Variants in SCD5 observed in about 807,000 individuals in gnomAD.
SCD5 encodes stearoyl-CoA desaturase 5, also known as acyl-CoA-desaturase 4.
Under a neutral mutation model 30.4 loss-of-function variants are expected in SCD5, and 20 were observed. That is an observed-to-expected ratio of 0.66 (90% confidence interval 0.46 to 0.96). SCD5 has a LOEUF of 0.96. SCD5 is among the 40% of genes least tolerant of loss of function. The pLI is 0.00. For missense variants in SCD5, 381 were observed against 443.3 expected (o/e 0.86, Z 1.26); for synonymous variants, 173 against 176.4 (o/e 0.98, Z 0.16).
At chr4:82,670,755 T>TGGCAAATATCAATTCCATGTCAATTGAC (rs1560529678) in intron 3 of SCD5, among the ~76,000 whole-genome samples, 11 of 143,616 alleles carry the variant, frequency 7.7e-5, no homozygotes, top group East Asian at 2.2e-4. Context: ...TGTCAATTGA[T>TGGCAAATATCAATTCCATGTCAATTGAC]ATGGCAAATA....
At chr4:82,738,674 G>A (rs1720805447) in intron 1 of SCD5, among the ~76,000 whole-genome samples, 1 of 152,144 alleles carries the variant, frequency 6.6e-6, no homozygotes, top group African/African-American at 2.4e-5. Flanking sequence ...AGACCATAGA[G>A]AAGCTACACC....
At chr4:82,778,688 A>G (rs949185706) in intron 1 of SCD5, among the ~76,000 whole-genome samples, 2 of 152,192 alleles carry the variant, frequency 1.3e-5, no homozygotes, top group African/African-American at 4.8e-5. Context: ...GTTTCTGTCC[A>G]GGTAGTACCT....
At chr4:82,702,558 T>C (rs1232167167) in intron 2 of SCD5, among the ~76,000 whole-genome samples, 3 of 152,160 alleles carry the variant, frequency 2.0e-5, no homozygotes, top group African/African-American at 7.2e-5. Flanking sequence ...TGTTTAAGTC[T>C]CAACGTTAAG....
intron 1 of SCD5, among the ~76,000 whole-genome samples, chr4:82,783,718 G>A (rs373684126): frequency 2.0e-5 from 3 of 151,306 alleles, no homozygotes; most frequent in African/African-American, 7.3e-5. Flanking sequence ...CAGGAGAATC[G>A]CTTGAACCTA....
At chr4:82,749,198 T>C (rs1472234868) in intron 1 of SCD5, among the ~76,000 whole-genome samples, 2 of 152,230 alleles carry the variant, frequency 1.3e-5, no homozygotes, top group Non-Finnish European at 2.9e-5. Flanking sequence ...GGGCTCTGGA[T>C]AGAGAGTAAA....
At chr4:82,753,408 T>A (rs778640861) in intron 1 of SCD5, 1 of 532,052 alleles carries the variant, frequency 1.9e-6, no homozygotes, top group Non-Finnish European at 3.9e-6. Context: ...GGTCATGACA[T>A]AAGCCAGTGG....
intron 1 of SCD5, 106 bp downstream of exon 1, chr4:82,798,200 G>A (rs1578073257): frequency 2.7e-6 from 3 of 1,121,060 alleles, no homozygotes; most frequent in Non-Finnish European, 3.3e-6. Context: ...GGGAGACCGG[G>A]GGTCGCTGCG....
intron 3 of SCD5, among the ~76,000 whole-genome samples, chr4:82,670,102 G>GAAAAAATTATA (rs1728277256): frequency 6.6e-6 from 1 of 151,980 alleles, no homozygotes; most frequent in Non-Finnish European, 1.5e-5. Context: ...CAGTTATCAA[G>GAAAAAATTATA]AAAAAATTAT....
chr4:82,663,561 C>CA (rs1728071908), intron 3 of SCD5, among the ~76,000 whole-genome samples: 1 of 152,144 alleles, frequency 6.6e-6, no homozygotes, highest in African/African-American at 2.4e-5. Context: ...CCTGAGGTTG[C>CA]AAGTTTTTGA....
At chr4:82,735,804 G>A (rs181869111) in intron 1 of SCD5, among the ~76,000 whole-genome samples, 1 of 152,312 alleles carries the variant, frequency 6.6e-6, no homozygotes, top group Non-Finnish European at 1.5e-5. Context: ...ATGTGGTGAT[G>A]TTTCCTTGAC....
At chr4:82,696,047 A>C (rs1719689515) in intron 2 of SCD5, among the ~76,000 whole-genome samples, 1 of 152,244 alleles carries the variant, frequency 6.6e-6, no homozygotes, top group South Asian at 2.1e-4. Flanking sequence ...GTTCTTCATA[A>C]GCACATAGTG....
chr4:82,682,277 G>A lies in SCD5; in HGVS notation c.364-1365C>T, dbSNP rs73829963. Among the ~76,000 whole-genome samples the A allele has an allele frequency of 4.0e-3, 610 of 152,302 alleles. 7 individuals are homozygous for A. Among genetic ancestry groups the A allele is most frequent in the African/African-American group, 0.014 (575 of 41,556 alleles). On this transcript the variant is annotated intron_variant, in intron 2 of 4. Transcript: ENST00000319540. ...TTGGACTTCTCATAATGGGAGACACGGGAGGGTGTCAGGGGCTGAGCTATC... is the reference window on the plus strand; with the variant it reads ...TTGGACTTCTCATAATGGGAGACACAGGAGGGTGTCAGGGGCTGAGCTATC...
chr4:82,643,488 A>T (rs147972963), intron 3 of SCD5, among the ~76,000 whole-genome samples: 49 of 152,372 alleles, frequency 3.2e-4, no homozygotes, highest in African/African-American at 1.2e-3. Context: ...CAAATACTGT[A>T]TGCTTATACT....
At chr4:82,710,544 G>A (rs1032893864) in intron 1 of SCD5, among the ~76,000 whole-genome samples, 15 of 152,166 alleles carry the variant, frequency 9.9e-5, no homozygotes, top group Non-Finnish European at 1.9e-4. Flanking sequence ...GCAGTGGGGA[G>A]CTGTTTTTCC....
chr4:82,726,418 A>AG (rs374285051), intron 1 of SCD5, among the ~76,000 whole-genome samples: 1 of 32,674 alleles, frequency 3.1e-5, no homozygotes. Context: ...ACTCTGTCTC[A>AG]AAAAAAAAAA....
At chr4:82,675,567 C>G (rs1303070099) in intron 3 of SCD5, among the ~76,000 whole-genome samples, 1 of 152,148 alleles carries the variant, frequency 6.6e-6, no homozygotes, top group Non-Finnish European at 1.5e-5. Context: ...ATCACCATGG[C>G]AATAAGGCAA....
chr4:82,731,931 A>C (rs12507140), intron 1 of SCD5, among the ~76,000 whole-genome samples: 83,016 of 151,614 alleles, frequency 0.55, 23,811 homozygotes, highest in African/African-American at 0.71. Context: ...CTGTCTGATT[A>C]AGATCAGGGT....
At chr4:82,636,857 C>T (rs748018793) in intron 3 of SCD5, 34 bp from the exon 4 acceptor site, 3 of 1,533,098 alleles carry the variant, frequency 2.0e-6, no homozygotes, top group African/African-American at 2.7e-5. Flanking sequence ...CCATGAGGAC[C>T]CGCTGATGGG....
intron 2 of SCD5, among the ~76,000 whole-genome samples, chr4:82,702,408 G>C (rs1351508716): frequency 4.0e-5 from 6 of 151,876 alleles, no homozygotes. Context: ...GCCTCCCAAA[G>C]TGCTGGGATT....
Sources: allele counts gnomAD v4.1 joint callset (sites outside exome capture counted in the v4.1 genomes callset), GRCh38; gene constraint gnomAD v4.1.1; transcripts MANE v1.5; gene names NCBI Gene and HGNC (gene_info 2026-07-23, HGNC 2026-07-21).